The following NUMA1 variants were observed in gnomAD, a reference collection of about 807,000 sequenced individuals.
NUMA1 encodes nuclear mitotic apparatus protein 1.
In NUMA1, 62 loss-of-function variants were observed where a neutral mutation model predicts 237.1. The observed-to-expected ratio is 0.26, with a 90% CI of 0.21 to 0.32. The LOEUF (loss-of-function observed/expected upper bound fraction) is 0.32. Ranked by LOEUF, NUMA1 falls within the 10% of genes least tolerant of loss-of-function variation. The probability of loss-of-function intolerance (pLI) is 1.00; values close to 1 mark genes in which losing one functional copy is unlikely to be tolerated. For synonymous variants in NUMA1, 1,028 were observed against 1,066.1 expected (o/e 0.96, Z 0.70); for missense variants, 2,533 against 2,666.5 (o/e 0.95, Z 1.10).
In NUMA1 at chr11:72,003,154, G is replaced by C. The variant is rs1166660259; in HGVS notation, c.*373C>G. The C allele has an allele frequency of 3.3e-6, 1 of 300,916 alleles. No individual in the cohort carries two copies. Among genetic ancestry groups the C allele is most frequent in the Non-Finnish European group, 6.3e-6 (1 of 158,988 alleles). 18.6% of individuals were successfully genotyped at this position (300,916 alleles called of 1,614,324 possible). On this transcript the variant is annotated 3_prime_UTR_variant, in exon 27 of 27. Coordinates refer to ENST00000393695, the MANE Select transcript of NUMA1 (RefSeq NM_006185.4). ...CCAGCCACCAGGACAGCAGGAACCA[G>C]GGCCTACTCCTCTTATGGTCCCTTC...
At chr11:72,053,103 G>A (rs745612556) in intron 2 of NUMA1, among the ~76,000 whole-genome samples, 2 of 152,110 alleles carry the variant, frequency 1.3e-5, no homozygotes, top group African/African-American at 4.8e-5. Flanking sequence ...CTGTAAAATG[G>A]GAATAATAAT....
chr11:72,004,062 T>C lies in NUMA1; in HGVS notation c.6161A>G (p.Asn2054Ser), dbSNP rs1955482735. The change falls in exon 26 of 27, where the codon AAC becomes AGC. Residue 2054 changes from asparagine (N) to serine (S), a missense_variant. Around this residue, in one of 3 missense-constraint regions of NUMA1, gnomAD observed 795 missense variants for 750.8 expected, o/e 1.06. Transcript: ENST00000393695. ...GCTGTTCCCTAGCTTCTTGGGTGTG[T>C]TGAGGATGCTGAAGGCCATCGACTG... ...RRQSMAFSIL[N>S]TPKKLGNSLL... 3 of 1,613,534 alleles carry C rather than the reference T, an allele frequency of 1.9e-6. No homozygotes were observed. The highest frequency in any genetic ancestry group is 2.2e-5 in the East Asian group (1 of 44,868).
At chr11:72,022,980 G>A (rs1939094958) in intron 6 of NUMA1, 85 bp downstream of exon 6, 1 of 910,608 alleles carries the variant, frequency 1.1e-6, no homozygotes, top group Non-Finnish European at 1.8e-6. Context: ...ATCTCCCCTT[G>A]GGTTAAGAGA....
At chr11:72,079,700 CAT>C (rs924314435) in intron 1 of NUMA1, among the ~76,000 whole-genome samples, 2 of 147,372 alleles carry the variant, frequency 1.4e-5, no homozygotes, top group African/African-American at 5.0e-5. Flanking sequence ...GTGTATGAAA[CAT>C]GTTATCTGTG....
intron 17 of NUMA1, 38 bp downstream of exon 17, chr11:72,010,748 T>A: frequency 6.3e-7 from 1 of 1,590,356 alleles, no homozygotes; most frequent in Non-Finnish European, 8.6e-7. Context: ...CTTCCCTCCC[T>A]TGTCCAGAGG....
In NUMA1 at chr11:72,004,871, G is replaced by A. The variant is rs1013937671; in HGVS notation, c.5830-55C>T. On this transcript the variant is annotated intron_variant, in intron 23 of 26. Coordinates refer to ENST00000393695, the MANE Select transcript of NUMA1 (RefSeq NM_006185.4). ...CCATAGCTGTATGGAGATGGAGGAGGACCTGGGGCTGTCCCAGAACTCTAC... is the reference window on the plus strand; with the variant it reads ...CCATAGCTGTATGGAGATGGAGGAGAACCTGGGGCTGTCCCAGAACTCTAC... 3 of 1,483,652 alleles carry A rather than the reference G, an allele frequency of 2.0e-6. No individual in the cohort carries two copies. The African/African-American group carries it at 4.2e-5, about 21-fold the overall frequency. 91.9% of individuals were successfully genotyped at this position (1,483,652 alleles called of 1,614,324 possible). A position where few individuals can be genotyped will look rare whatever the true frequency, so the allele number is the denominator to read the frequency against.
At chr11:72,011,548 AG>A (rs980537076) in intron 16 of NUMA1, among the ~76,000 whole-genome samples, 2 of 152,210 alleles carry the variant, frequency 1.3e-5, no homozygotes, top group African/African-American at 4.8e-5. Flanking sequence ...CAGGCAGCAC[AG>A]GGGAGAGGCA....
intron 2 of NUMA1, among the ~76,000 whole-genome samples, 181 bp downstream of exon 2, chr11:72,069,661 A>T (rs1261111573): frequency 1.3e-5 from 2 of 152,210 alleles, no homozygotes; most frequent in Non-Finnish European, 2.9e-5. Flanking sequence ...CACAGTTAGA[A>T]AAATATCTTT....
intron 13 of NUMA1, chr11:72,017,192 C>G (rs552576397): frequency 5.5e-6 from 1 of 183,482 alleles, no homozygotes; most frequent in Admixed American, 5.4e-5. Context: ...GAGCAAGAAC[C>G]TGAAGCAGAT....
At chr11:72,031,750 G>A (rs959770605) in intron 3 of NUMA1, among the ~76,000 whole-genome samples, 1 of 152,042 alleles carries the variant, frequency 6.6e-6, no homozygotes, top group Non-Finnish European at 1.5e-5. Flanking sequence ...GGAGGTCAAG[G>A]CTACAGCGAG....
chr11:72,019,361 G>A (rs1395024086), intron 9 of NUMA1, 133 bp downstream of exon 9: 1 of 1,202,062 alleles, frequency 8.3e-7, no homozygotes, highest in African/African-American at 1.5e-5. Context: ...TGGGTGAGGT[G>A]AGGAGATCCC....
chr11:72,031,241 T>A (rs1219736172), intron 3 of NUMA1, among the ~76,000 whole-genome samples: 1 of 151,092 alleles, frequency 6.6e-6, no homozygotes, highest in East Asian at 1.9e-4. Flanking sequence ...CTGGAGAAGT[T>A]ACAATGAGCT....
At chr11:72,023,034 C>T in intron 6 of NUMA1, 31 bp downstream of exon 6, 1 of 1,562,748 alleles carries the variant, frequency 6.4e-7, no homozygotes, top group South Asian at 1.1e-5. Flanking sequence ...CAACCCTGCC[C>T]TGCCTCCCCA....
rs973965656 is a variant in NUMA1, at chr11:72,005,689, C to G, written c.5693-320G>C. The G allele has an allele frequency of 1.0e-5, 5 of 493,818 alleles. No homozygotes were observed. In the Admixed American group the frequency reaches 2.0e-4, roughly 20 times the overall value. The allele number at this position is 493,818 out of a possible 1,614,324, so 30.6% of individuals were successfully genotyped here. A position where few individuals can be genotyped will look rare whatever the true frequency, so the allele number is the denominator to read the frequency against. ...CCGGGAATTAATTCCCAGGGGCTCC[C>G]TGGTGCCCAAAGGACAAGAGCTTCC... On this transcript the variant is annotated intron_variant, in intron 22 of 26. Coordinates refer to ENST00000393695, the MANE Select transcript of NUMA1 (RefSeq NM_006185.4).
At chr11:72,029,083 T>C in intron 4 of NUMA1, 122 bp downstream of exon 4, 1 of 658,196 alleles carries the variant, frequency 1.5e-6, no homozygotes, top group South Asian at 2.0e-5. Context: ...TGGCTTATGA[T>C]GTCCCAATCC....
At chr11:72,066,335 T>C (rs1943198127) in intron 2 of NUMA1, 1 of 150,718 alleles carries the variant, frequency 6.6e-6, no homozygotes, top group African/African-American at 2.4e-5. Flanking sequence ...AGGACCTAAA[T>C]AACATAGATT....
chr11:72,052,304 T>C (rs145905028), intron 2 of NUMA1, among the ~76,000 whole-genome samples: 167 of 152,302 alleles, frequency 1.1e-3, no homozygotes, highest in Non-Finnish European at 2.1e-3. Flanking sequence ...GAATGCTTTA[T>C]AGAGGAAGTG....
chr11:72,018,538 G>A (rs996003083), intron 10 of NUMA1, 25 bp from the exon 11 acceptor site: 3 of 1,588,794 alleles, frequency 1.9e-6, no homozygotes, highest in South Asian at 2.2e-5. Context: ...GGGAGGAGGA[G>A]AGGAGAATCA....
At chr11:72,046,594 G>GGAGA (rs138787982) in intron 2 of NUMA1, among the ~76,000 whole-genome samples, 3 of 149,520 alleles carry the variant, frequency 2.0e-5, no homozygotes, top group South Asian at 2.1e-4. Context: ...GCGGGGAGAG[G>GGAGA]GAGAGAGAGA....
Sources: allele counts gnomAD v4.1 joint callset (sites outside exome capture counted in the v4.1 genomes callset), GRCh38; gene constraint gnomAD v4.1.1; regional missense constraint gnomAD v4.1.1; transcripts MANE v1.5; gene names NCBI Gene and HGNC (gene_info 2026-07-23, HGNC 2026-07-21).